Variants in TNFRSF8 observed in about 807,000 individuals in gnomAD.
TNFRSF8 encodes TNF receptor superfamily member 8, also known as tumor necrosis factor receptor superfamily member 8.
In TNFRSF8, 26 loss-of-function variants were observed where a neutral mutation model predicts 70.8. The ratio of observed to expected loss-of-function variants is 0.37; its 90% confidence interval spans 0.27 to 0.51. The LOEUF is 0.51. TNFRSF8 is among the 20% of genes least tolerant of loss of function. The pLI is 0.94. For missense variants in TNFRSF8, 720 were observed against 807.9 expected (o/e 0.89, Z 1.32); for synonymous variants, 356 against 339.2 (o/e 1.05, Z -0.54).
intron 8 of TNFRSF8, among the ~76,000 whole-genome samples, 196 bp from the exon 9 acceptor site, chr1:12,123,088 C>T (rs1570062459): frequency 6.6e-6 from 1 of 152,320 alleles, no homozygotes; most frequent in African/African-American, 2.4e-5. Context: ...CTCAGCCTCC[C>T]AAAATGCTGT....
chr1:12,131,717 C>T (rs1642051403), intron 12 of TNFRSF8, among the ~76,000 whole-genome samples: 1 of 151,996 alleles, frequency 6.6e-6, no homozygotes, highest in African/African-American at 2.4e-5. Flanking sequence ...TGGTCTCTAA[C>T]TCCTGAGCTC....
rs1224868203 is a variant in TNFRSF8 at position 12,108,824 on chromosome 1, TAAAC to T, written c.422-739_422-736del. On this transcript the variant is annotated intron_variant, in intron 4 of 14. Coordinates refer to ENST00000263932, the MANE Select transcript of TNFRSF8 (RefSeq NM_001243.5). The surrounding 1 kb of genome is among the most constrained non-coding windows in gnomAD (Gnocchi z 4.0). ...TAAGACTCTGTCTCAAATAAATAAA[TAAAC>T]AAGTAAATAAAATGGACTTTCCTGG... is the stretch of plus-strand genomic sequence containing the variant. Among the ~76,000 whole-genome samples the T allele has an allele frequency of 2.0e-5, 3 of 151,916 alleles. No homozygotes were observed. The highest frequency in any genetic ancestry group is 2.9e-5 in the Non-Finnish European group (2 of 67,982).
At position 12,110,876 on chromosome 1, in the gene TNFRSF8, C is replaced by T. The variant is rs967703305; in HGVS notation, c.676+672C>T. 6.6e-5 allele frequency among the ~76,000 whole-genome samples: 10 copies of T among 151,840 alleles called. No homozygotes were observed. Among genetic ancestry groups the T allele is most frequent in the African/African-American group, 2.4e-4 (10 of 41,284 alleles). ...GCCTCCCAAAGTGCTGGGAGGATTA[C>T]AGGCGTGAGCCACCGCGCCCAACCT... On this transcript the variant is annotated intron_variant, in intron 6 of 14. Coordinates refer to ENST00000263932, the MANE Select transcript of TNFRSF8 (RefSeq NM_001243.5). The surrounding 1 kb of genome is among the most constrained non-coding windows in gnomAD (Gnocchi z 4.0).
rs568692783 is a variant in TNFRSF8 at position 12,110,304 on chromosome 1, G to T, written c.676+100G>T. The stretch of plus-strand genomic sequence containing the variant: ...TGGAGCAGGCGGGCAGTGATCTGTG[G>T]TCTTTTCCTGGTGGGGAGAGAAGAC... On this transcript the variant is annotated intron_variant, in intron 6 of 14. Transcript: ENST00000263932. This position sits in a 1 kb window ranked among gnomAD's most constrained non-coding sequence, Gnocchi z 4.0. 45 of 1,254,880 alleles carry T rather than the reference G, an allele frequency of 3.6e-5. 1 individual carries two copies. The East Asian group carries it at 1.0e-3, about 29-fold the overall frequency. 77.7% of individuals were successfully genotyped at this position (1,254,880 alleles called of 1,614,324 possible). A position where few individuals can be genotyped will look rare whatever the true frequency, so the allele number is the denominator to read the frequency against.
At chr1:12,111,712 G>C (rs1318191600) in intron 6 of TNFRSF8, among the ~76,000 whole-genome samples, 186 bp from the exon 7 acceptor site, 1 of 152,150 alleles carries the variant, frequency 6.6e-6, no homozygotes, top group African/African-American at 2.4e-5. Flanking sequence ...CCCTCCTCTC[G>C]TGTGGAATGC....
At chr1:12,098,287 G>A (rs1236649005) in intron 3 of TNFRSF8, among the ~76,000 whole-genome samples, 1 of 152,040 alleles carries the variant, frequency 6.6e-6, no homozygotes, top group Non-Finnish European at 1.5e-5. Context: ...CATTTATCTG[G>A]TGTATCTTTG....
Position 12,109,582 on chromosome 1 carries a change from C to T in TNFRSF8, c.438C>T (p.Asn146=), listed in dbSNP as rs375684588. Residue 146 remains asparagine, a synonymous_variant, in exon 5 of 15, where the codon AAC becomes AAT. Coordinates refer to ENST00000263932, the MANE Select transcript of TNFRSF8 (RefSeq NM_001243.5). This position sits in a 1 kb window ranked among gnomAD's most constrained non-coding sequence, Gnocchi z 4.4. The stretch of plus-strand genomic sequence containing the variant: ...CCCCTGCAGGCACGGCGCAGAAGAA[C>T]ACGGTCTGTGAGCCGGCTTCCCCAG... ...IVKFPGTAQK[N]TVCEPASPGV... is the part of the protein sequence containing the mutation. 29 of 1,613,602 alleles carry T rather than the reference C, an allele frequency of 1.8e-5. No individual in the cohort carries two copies. The highest frequency in any genetic ancestry group is 2.5e-5 in the Non-Finnish European group (29 of 1,179,952).
Position 12,131,801 on chromosome 1 carries a change from A to AT in TNFRSF8, c.1310-3777dup, listed in dbSNP as rs911137809. ...GAGCCACTGTGCCCAGCTAGTCCTC[A>AT]TTTTTTTTTTGAGGCAGAGTCTCGC... On this transcript the variant is annotated intron_variant, in intron 12 of 14. Coordinates refer to ENST00000263932, the MANE Select transcript of TNFRSF8 (RefSeq NM_001243.5). 2.5e-3 allele frequency among the ~76,000 whole-genome samples: 362 copies of AT among 144,706 alleles called. 2 individuals are homozygous for AT. The highest frequency in any genetic ancestry group is 3.9e-3 in the African/African-American group (154 of 39,334). The allele number at this position is 144,706 out of a possible 152,430, so 94.9% of individuals were successfully genotyped here.
chr1:12,094,227 G>A (rs1284844014), intron 2 of TNFRSF8, among the ~76,000 whole-genome samples: 2 of 152,188 alleles, frequency 1.3e-5, no homozygotes, highest in Non-Finnish European at 2.9e-5. Flanking sequence ...AGGTGTTGAA[G>A]GGCAAGGAAA....
intron 2 of TNFRSF8, among the ~76,000 whole-genome samples, chr1:12,089,912 C>G (rs921540875): frequency 6.6e-6 from 1 of 150,494 alleles, no homozygotes; most frequent in Admixed American, 6.6e-5. Flanking sequence ...ACCTGCCCAT[C>G]CACCCTTCCC....
chr1:12,141,920 G>T lies in TNFRSF8; in HGVS notation c.1544-367G>T, dbSNP rs928679010. ...GAGGGCTGGGGACCCAGGAGTGGGG[G>T]TGTGGAAACTGCTCAGCTCTGCTGT... On this transcript the variant is annotated intron_variant, in intron 14 of 14. Coordinates refer to ENST00000263932, the MANE Select transcript of TNFRSF8 (RefSeq NM_001243.5). This position sits in a 1 kb window ranked among gnomAD's most constrained non-coding sequence, Gnocchi z 5.4. 1.3e-5 allele frequency among the ~76,000 whole-genome samples: 2 copies of T among 152,200 alleles called. No homozygotes were observed. The highest frequency in any genetic ancestry group is 4.8e-5 in the African/African-American group (2 of 41,448).
At chr1:12,069,634 C>T (rs776833248) in intron 1 of TNFRSF8, among the ~76,000 whole-genome samples, 6 of 152,240 alleles carry the variant, frequency 3.9e-5, no homozygotes, top group East Asian at 1.9e-4. Context: ...CAAGGCTCCT[C>T]ATCTGCCTGT....
At position 12,115,680 on chromosome 1, in the gene TNFRSF8, C is replaced by T. The variant is rs1043014905; in HGVS notation, c.897C>T (p.Arg299=). The part of the protein sequence containing the change: ...CATSATNSCA[R]CVPYPICAAE... ...CATCAGCCACCAACTCCTGTGCCCG[C>T]TGTGTCCCCTACCCAATCTGTGCAG... The change falls in exon 8 of 15, where the codon CGC becomes CGT. Residue 299 remains arginine (R), a synonymous_variant. Coordinates refer to ENST00000263932, the MANE Select transcript of TNFRSF8 (RefSeq NM_001243.5). 4 of 1,614,206 alleles carry T rather than the reference C, an allele frequency of 2.5e-6. No homozygotes were observed. In the South Asian group the frequency reaches 4.4e-5, roughly 18 times the overall value.
At chr1:12,102,350 T>C (rs1641440207) in intron 3 of TNFRSF8, among the ~76,000 whole-genome samples, 1 of 152,168 alleles carries the variant, frequency 6.6e-6, no homozygotes, top group African/African-American at 2.4e-5. Context: ...TCCCCCTTCT[T>C]CAGAGAGTCC....
Position 12,138,152 on chromosome 1 carries a change from A to G in TNFRSF8, c.1336-77A>G. On this transcript the variant is annotated intron_variant, in intron 13 of 14. Coordinates refer to ENST00000263932, the MANE Select transcript of TNFRSF8 (RefSeq NM_001243.5). The surrounding 1 kb of genome is among the most constrained non-coding windows in gnomAD (Gnocchi z 5.7). ...CACTGGGGTCTGTAGAGATGAAAAA[A>G]AAAAGGGGCCTCCCAGTTCAGAGAC... The G allele has an allele frequency of 6.7e-7, 1 of 1,499,548 alleles. No homozygotes were observed. The highest frequency in any genetic ancestry group is 9.0e-7 in the Non-Finnish European group (1 of 1,110,046). 92.9% of individuals were successfully genotyped at this position (1,499,548 alleles called of 1,614,324 possible).
intron 7 of TNFRSF8, among the ~76,000 whole-genome samples, chr1:12,114,003 A>G (rs952357746): frequency 6.6e-6 from 1 of 152,188 alleles, no homozygotes; most frequent in Admixed American, 6.5e-5. Flanking sequence ...CACAACCACC[A>G]TGTGGACATA....
intron 13 of TNFRSF8, among the ~76,000 whole-genome samples, chr1:12,137,099 C>G (rs986609551): frequency 8.6e-5 from 13 of 151,814 alleles, no homozygotes; most frequent in African/African-American, 3.1e-4. Context: ...TGACTCTTAG[C>G]GAGTGAAGAA....
chr1:12,140,686 A>G (rs1181490797), intron 14 of TNFRSF8, among the ~76,000 whole-genome samples: 1 of 152,138 alleles, frequency 6.6e-6, no homozygotes, highest in African/African-American at 2.4e-5. Context: ...ACCGCTTTGA[A>G]TCCAGTTAAT....
At chr1:12,079,049 C>A (rs931781365) in intron 1 of TNFRSF8, among the ~76,000 whole-genome samples, 2 of 152,182 alleles carry the variant, frequency 1.3e-5, no homozygotes, top group Non-Finnish European at 2.9e-5. Flanking sequence ...GTGCTTACCT[C>A]GCTGGCCCTG....
Sources: allele counts gnomAD v4.1 joint callset (sites outside exome capture counted in the v4.1 genomes callset), GRCh38; gene constraint gnomAD v4.1.1; non-coding constraint Gnocchi (gnomAD v3.1); transcripts MANE v1.5; gene names NCBI Gene and HGNC (gene_info 2026-07-23, HGNC 2026-07-21).